The following PARD3B variants were observed in gnomAD, a reference collection of about 807,000 sequenced individuals.
PARD3B encodes the protein partitioning defective 3 homolog B.
In PARD3B, 103 loss-of-function variants were observed where a neutral mutation model predicts 130.2. The observed-to-expected ratio is 0.79, with a 90% CI of 0.67 to 0.93. The LOEUF (loss-of-function observed/expected upper bound fraction) is 0.93, where lower values mean the gene tolerates loss of function less well. PARD3B is among the 40% of genes least tolerant of loss of function. The probability of loss-of-function intolerance (pLI) is 0.00; values close to 1 mark genes in which losing one functional copy is unlikely to be tolerated. For missense variants in PARD3B, 1,609 were observed against 1,499.2 expected, an observed-to-expected ratio of 1.07 and a Z score of -1.21; for synonymous variants, 583 against 553.2, an observed-to-expected ratio of 1.05 and a Z score of -0.76.
intron 20 of PARD3B, among the ~76,000 whole-genome samples, chr2:205,467,161 C>G (rs1303675815): frequency 6.6e-6 from 1 of 152,170 alleles, no homozygotes; most frequent in Non-Finnish European, 1.5e-5. Context: ...TTTTAAATTA[C>G]GTGACCTTTT....
intron 2 of PARD3B, among the ~76,000 whole-genome samples, chr2:204,771,064 G>C (rs1017228785): frequency 6.6e-6 from 1 of 152,076 alleles, no homozygotes; most frequent in Admixed American, 6.6e-5. Flanking sequence ...TTGTAGATAA[G>C]AATAGCCTAG....
intron 15 of PARD3B, among the ~76,000 whole-genome samples, chr2:205,196,454 C>G (rs2036686785): frequency 6.6e-6 from 1 of 152,064 alleles, no homozygotes; most frequent in African/African-American, 2.4e-5. Flanking sequence ...ACATGGGATG[C>G]AAGTGATTTT....
rs554197927 is a variant in PARD3B, at chr2:204,596,433, A to G, written c.120+50314A>G. ...TGTAATAGTGGAGCCATACTGAAAA[A>G]TTATTTTTCAAATTTTTGTATCCTT... On this transcript the variant is annotated intron_variant, in intron 1 of 22. Transcript: ENST00000406610. 5.9e-5 allele frequency among the ~76,000 whole-genome samples: 9 copies of G among 152,240 alleles called. 1 individual carries two copies. In the South Asian group the frequency reaches 1.9e-3, roughly 32 times the overall value.
intron 15 of PARD3B, among the ~76,000 whole-genome samples, chr2:205,219,920 G>T (rs754643712): frequency 2.6e-5 from 4 of 152,160 alleles, no homozygotes; most frequent in Non-Finnish European, 4.4e-5. Flanking sequence ...GATATAGCAG[G>T]CTTACTTGTC....
At chr2:204,783,831 C>T (rs141815880) in intron 2 of PARD3B, among the ~76,000 whole-genome samples, 474 of 152,208 alleles carry the variant, frequency 3.1e-3, no homozygotes, top group Middle Eastern at 0.01. Context: ...ATTGTGGAGA[C>T]ATATTTAGAG....
chr2:205,408,598 A>AT (rs2046489730), intron 19 of PARD3B, among the ~76,000 whole-genome samples: 1 of 152,188 alleles, frequency 6.6e-6, no homozygotes, highest in Non-Finnish European at 1.5e-5. Flanking sequence ...GTGAATTGAT[A>AT]GTATTTTGTC....
chr2:204,696,459 A>G lies in PARD3B; in HGVS notation c.222+10177A>G, dbSNP rs147252730. ...CTATGCTGGTTCTCCTATTTCCAGG[A>G]CCTAAACTCACTTTATATTATTAAT... is the stretch of plus-strand genomic sequence containing the variant. On this transcript the variant is annotated intron_variant, in intron 2 of 22. Coordinates refer to ENST00000406610, the MANE Select transcript of PARD3B (RefSeq NM_001302769.2). 1.4e-4 allele frequency among the ~76,000 whole-genome samples: 21 copies of G among 152,134 alleles called. No individual in the cohort carries two copies. The East Asian group carries it at 3.7e-3, about 27-fold the overall frequency.
At chr2:205,138,539 C>A (rs984901881) in intron 10 of PARD3B, among the ~76,000 whole-genome samples, 1 of 152,084 alleles carries the variant, frequency 6.6e-6, no homozygotes, top group African/African-American at 2.4e-5. Context: ...CTGAAATTAT[C>A]AAAAAAGTAA....
rs1259671198 is a variant in PARD3B, at chr2:205,615,749, C to T, written c.3554C>T (p.Pro1185Leu). 6.2e-7 allele frequency: 1 copy of T among 1,614,134 alleles called. No individual in the cohort carries two copies. Among genetic ancestry groups the T allele is most frequent in the Admixed American group, 1.7e-5 (1 of 60,020 alleles). Residue 1185 changes from proline to leucine, a missense_variant, in exon 23 of 23, where the codon CCA (proline) becomes CTA (leucine). Pro to Leu is a moderately conservative substitution (Grantham distance 98). Coordinates refer to ENST00000406610, the MANE Select transcript of PARD3B (RefSeq NM_001302769.2). The stretch of plus-strand genomic sequence containing the variant: ...AGACCAGGGCCCCGTGGGGGCAGCC[C>T]AGACCAGTACCCTTACCGAACCCAG... ...TGRPGPRGGS[P>L]DQYPYRTQDS...
At chr2:205,285,923 T>C (rs761915885) in intron 16 of PARD3B, among the ~76,000 whole-genome samples, 10 of 152,194 alleles carry the variant, frequency 6.6e-5, no homozygotes, top group South Asian at 2.1e-4. Context: ...GAAAAGATCC[T>C]CCTTTTTAAT....
intron 10 of PARD3B, among the ~76,000 whole-genome samples, chr2:205,149,805 G>A (rs577866788): frequency 6.6e-6 from 1 of 152,248 alleles, no homozygotes; most frequent in South Asian, 2.1e-4. Flanking sequence ...GTTCTTAATT[G>A]GAAGTGATTT....
chr2:205,410,362 G>C (rs1351771615), intron 19 of PARD3B, among the ~76,000 whole-genome samples: 2 of 152,168 alleles, frequency 1.3e-5, no homozygotes, highest in African/African-American at 4.8e-5. Flanking sequence ...ACTGTAAGTA[G>C]GTAGAAGGCT....
chr2:205,020,939 G>A (rs186733473), intron 3 of PARD3B, among the ~76,000 whole-genome samples: 4 of 152,230 alleles, frequency 2.6e-5, no homozygotes, highest in Non-Finnish European at 5.9e-5. Context: ...GTGAGATCCC[G>A]CTAGAGGCCT....
At chr2:204,997,470 A>T (rs1270448999) in intron 3 of PARD3B, among the ~76,000 whole-genome samples, 1 of 152,124 alleles carries the variant, frequency 6.6e-6, no homozygotes, top group Admixed American at 6.6e-5. Flanking sequence ...ACCTATTTGG[A>T]TCTATTCCTA....
rs2041439135 is a variant in PARD3B at position 205,287,444 on chromosome 2, C to T, written c.2186-13086C>T. Among the ~76,000 whole-genome samples, 1 of 152,126 alleles carries T rather than the reference C, an allele frequency of 6.6e-6. No individual in the cohort carries two copies. The highest frequency in any genetic ancestry group is 2.1e-4 in the South Asian group (1 of 4,826). On this transcript the variant is annotated intron_variant, in intron 16 of 22. Transcript: ENST00000406610. This position sits in a 1 kb window ranked among gnomAD's most constrained non-coding sequence, Gnocchi z 4.8. ...TGATTCTTACAGAAAAGCAAGATGGCTGCCAGAAGCTCCAGGCTTAGATTC... is the reference window on the plus strand; with the variant it reads ...TGATTCTTACAGAAAAGCAAGATGGTTGCCAGAAGCTCCAGGCTTAGATTC...
At chr2:205,264,717 T>C (rs2040439863) in intron 16 of PARD3B, among the ~76,000 whole-genome samples, 1 of 151,100 alleles carries the variant, frequency 6.6e-6, no homozygotes, top group Non-Finnish European at 1.5e-5. Context: ...TTATCCACAT[T>C]TTTCCATTTA....
chr2:205,504,451 C>G (rs1172848707), intron 21 of PARD3B, among the ~76,000 whole-genome samples: 1 of 152,172 alleles, frequency 6.6e-6, no homozygotes, highest in Non-Finnish European at 1.5e-5. Flanking sequence ...TCAGAGTGAA[C>G]AGGCAACCTA....
rs1236049966 is a variant in PARD3B, at chr2:205,550,105, G to A, written c.3181-3219G>A. ...CCTGAAGACACAGTGCTTTCGATAT[G>A]CCTCCATGGTTTTTCACTTTTGTGC... On this transcript the variant is annotated intron_variant, in intron 21 of 22. Transcript: ENST00000406610. This position sits in a 1 kb window ranked among gnomAD's most constrained non-coding sequence, Gnocchi z 4.5. Among the ~76,000 whole-genome samples the A allele has an allele frequency of 6.6e-6, 1 of 152,070 alleles. No individual in the cohort carries two copies. The highest frequency in any genetic ancestry group is 1.5e-5 in the Non-Finnish European group (1 of 68,012).
At chr2:205,250,624 AG>A (rs2039802802) in intron 16 of PARD3B, among the ~76,000 whole-genome samples, 2 of 152,156 alleles carry the variant, frequency 1.3e-5, no homozygotes, top group Non-Finnish European at 2.9e-5. Context: ...ACTGAAGCTC[AG>A]GTAATTTAAA....
Sources: allele counts gnomAD v4.1 joint callset (sites outside exome capture counted in the v4.1 genomes callset), GRCh38; gene constraint gnomAD v4.1.1; non-coding constraint Gnocchi (gnomAD v3.1); transcripts MANE v1.5; gene names NCBI Gene and HGNC (gene_info 2026-07-23, HGNC 2026-07-21).